Variants in CSMD1 observed in about 807,000 individuals in gnomAD.
The protein encoded by CSMD1 is CUB and sushi domain-containing protein 1.
A neutral mutation model predicts 417.5 loss-of-function variants in CSMD1; 213 were observed. That is an observed-to-expected ratio of 0.51 (90% CI 0.46 to 0.57). The LOEUF is 0.57. Ranked by LOEUF, CSMD1 falls within the 20% of genes least tolerant of loss-of-function variation. CSMD1 has a pLI of 0.00. For missense variants in CSMD1, 6,923 were observed against 4,529.7 expected (o/e 1.53, Z -15.17); for synonymous variants, 2,862 against 1,736.8 (o/e 1.65, Z -16.11).
intron 2 of CSMD1, among the ~76,000 whole-genome samples, chr8:4,465,420 T>C (rs555216582): frequency 1.3e-5 from 2 of 152,156 alleles, no homozygotes; most frequent in African/African-American, 2.4e-5. Context: ...GAAGGAGCCT[T>C]GTACGTTCAC....
At chr8:3,840,201 A>C (rs1803033149) in intron 5 of CSMD1, among the ~76,000 whole-genome samples, 1 of 152,116 alleles carries the variant, frequency 6.6e-6, no homozygotes, top group African/African-American at 2.4e-5. Flanking sequence ...AAGTAACTAA[A>C]TGCTTCTGTA....
At chr8:4,130,345 C>A (rs930458941) in intron 3 of CSMD1, among the ~76,000 whole-genome samples, 1 of 152,042 alleles carries the variant, frequency 6.6e-6, no homozygotes, top group Non-Finnish European at 1.5e-5. Flanking sequence ...CCAAAGACCC[C>A]CAGTAATGGA....
chr8:4,042,926 G>T (rs2130645801), intron 3 of CSMD1, among the ~76,000 whole-genome samples: 1 of 147,180 alleles, frequency 6.8e-6, no homozygotes, highest in African/African-American at 2.5e-5. Flanking sequence ...AGGAGTTCAA[G>T]ACCAGTCTGG....
At chr8:4,917,097 G>T (rs1806115597) in intron 1 of CSMD1, among the ~76,000 whole-genome samples, 1 of 152,190 alleles carries the variant, frequency 6.6e-6, no homozygotes, top group Admixed American at 6.5e-5. Flanking sequence ...CACGGCTGTG[G>T]AGGCCTCAGT....
At chr8:4,404,594 G>A (rs1266212916) in intron 3 of CSMD1, among the ~76,000 whole-genome samples, 2 of 151,758 alleles carry the variant, frequency 1.3e-5, no homozygotes, top group Admixed American at 6.6e-5. Context: ...AGCTAGTAAT[G>A]GCAAAAATGG....
At position 4,755,266 on chromosome 8, in the gene CSMD1, G is replaced by A. The variant is rs186601113; in HGVS notation, c.86-117708C>T. 3.5e-3 allele frequency among the ~76,000 whole-genome samples: 536 copies of A among 152,280 alleles called. 2 individuals are homozygous for A. The highest frequency in any genetic ancestry group is 0.012 in the African/African-American group (514 of 41,570). On this transcript the variant is annotated intron_variant, in intron 1 of 69. Coordinates refer to ENST00000635120, the MANE Select transcript of CSMD1 (RefSeq NM_033225.6). Reference sequence around the variant, plus strand: ...TATACTCATGTAGGACAATATTTATGACTTTGCCTTCAACTTGGAAATATT... The same window carrying A: ...TATACTCATGTAGGACAATATTTATAACTTTGCCTTCAACTTGGAAATATT...
At chr8:3,768,259 G>A (rs61021784) in intron 5 of CSMD1, among the ~76,000 whole-genome samples, 2,869 of 152,150 alleles carry the variant, frequency 0.019, 42 homozygotes, top group African/African-American at 0.037. Flanking sequence ...ACGTATTCCC[G>A]GGCCAAGTGA....
At chr8:4,709,518 T>C (rs1360038561) in intron 1 of CSMD1, among the ~76,000 whole-genome samples, 1 of 152,102 alleles carries the variant, frequency 6.6e-6, no homozygotes, top group Non-Finnish European at 1.5e-5. Flanking sequence ...AGGCTGAGGG[T>C]ACAAAGAGGG....
intron 6 of CSMD1, among the ~76,000 whole-genome samples, chr8:3,735,431 T>C (rs1211113695): frequency 6.6e-6 from 1 of 152,244 alleles, no homozygotes; most frequent in East Asian, 1.9e-4. Flanking sequence ...CCAGAATGCA[T>C]CTACAAAATG....
At chr8:3,289,349 G>C (rs201056097) in intron 25 of CSMD1, among the ~76,000 whole-genome samples, 5,735 of 147,174 alleles carry the variant, frequency 0.039, 424 homozygotes, top group Admixed American at 0.092. Context: ...CCCAGTAATG[G>C]GATGGCTGGG....
intron 3 of CSMD1, among the ~76,000 whole-genome samples, chr8:4,042,407 C>A (rs780865420): frequency 3.3e-5 from 5 of 151,928 alleles, no homozygotes; most frequent in African/African-American, 1.2e-4. Context: ...ACTGAAATAA[C>A]GAATAAGCAA....
chr8:4,859,142 C>A (rs1585223462), intron 1 of CSMD1, among the ~76,000 whole-genome samples: 1 of 152,020 alleles, frequency 6.6e-6, no homozygotes, highest in East Asian at 1.9e-4. Context: ...CTTTGACAAA[C>A]CTGAGAAAAA....
chr8:3,510,053 C>T (rs1189161472), intron 10 of CSMD1, among the ~76,000 whole-genome samples: 1 of 152,154 alleles, frequency 6.6e-6, no homozygotes, highest in African/African-American at 2.4e-5. Context: ...ATCAGTGAAA[C>T]ACCGGTAAGG....
intron 55 of CSMD1, among the ~76,000 whole-genome samples, chr8:2,977,665 G>C (rs918486914): frequency 6.6e-6 from 1 of 152,092 alleles, no homozygotes; most frequent in African/African-American, 2.4e-5. Flanking sequence ...GATGAAAATC[G>C]TTGCAATCTA....
At chr8:3,801,017 G>C (rs1800425701) in intron 5 of CSMD1, among the ~76,000 whole-genome samples, 1 of 151,578 alleles carries the variant, frequency 6.6e-6, no homozygotes, top group South Asian at 2.1e-4. Context: ...AAAAATATTT[G>C]AAAAAAGCAA....
intron 1 of CSMD1, among the ~76,000 whole-genome samples, chr8:4,870,273 T>G (rs1802659846): frequency 6.6e-6 from 1 of 152,142 alleles, no homozygotes; most frequent in Non-Finnish European, 1.5e-5. Context: ...CCTCTATAAC[T>G]TTTTATATAT....
intron 49 of CSMD1, among the ~76,000 whole-genome samples, chr8:3,085,016 C>A (rs1814419849): frequency 6.6e-6 from 1 of 151,952 alleles, no homozygotes. Flanking sequence ...AAGTCTTGCA[C>A]AGGAAATGAA....
rs959932810 is a variant in CSMD1, at chr8:4,013,086, T to C, written c.611-14976A>G. Among the ~76,000 whole-genome samples, 5 of 152,298 alleles carry C rather than the reference T, an allele frequency of 3.3e-5. No individual in the cohort carries two copies. In the East Asian group the frequency reaches 9.7e-4, roughly 29 times the overall value. ...TTCTCATAAGTAGCCAGAGTAATCCTCTCAAATGCTGTGTCACACGATGTC... is the reference window on the plus strand; with the variant it reads ...TTCTCATAAGTAGCCAGAGTAATCCCCTCAAATGCTGTGTCACACGATGTC... On this transcript the variant is annotated intron_variant, in intron 4 of 69. Transcript: ENST00000635120.
intron 2 of CSMD1, among the ~76,000 whole-genome samples, chr8:4,480,899 C>A (rs1168545030): frequency 2.6e-5 from 4 of 152,160 alleles, no homozygotes; most frequent in African/African-American, 9.7e-5. Flanking sequence ...TGGGGTACAT[C>A]CCTAGTTGTT....
Sources: allele counts gnomAD v4.1 joint callset (sites outside exome capture counted in the v4.1 genomes callset), GRCh38; gene constraint gnomAD v4.1.1; transcripts MANE v1.5; gene names NCBI Gene and HGNC (gene_info 2026-07-23, HGNC 2026-07-21).